The following RFTN2 variants were observed in gnomAD, a reference collection of about 807,000 sequenced individuals.
RFTN2 encodes the protein raftlin family member 2, also known as raftlin-2.
RFTN2 carries 34 observed loss-of-function variants against 52.7 expected under a neutral mutation model. The ratio of observed to expected loss-of-function variants is 0.64; its 90% CI spans 0.49 to 0.86. RFTN2 has a LOEUF of 0.86. Among genes scored for constraint, RFTN2 ranks in the 40% least tolerant of loss-of-function variants. The pLI is 0.00. For synonymous variants in RFTN2, 203 were observed against 217.7 expected (o/e 0.93, Z 0.59); for missense variants, 536 against 600.1 (o/e 0.89, Z 1.12).
chr2:197,581,268 T>G (rs545800429), intron 8 of RFTN2, among the ~76,000 whole-genome samples: 2 of 152,346 alleles, frequency 1.3e-5, no homozygotes, highest in East Asian at 3.9e-4. Context: ...CTTATTGTTT[T>G]GCCTATCCAT....
chr2:197,597,817 C>G (rs1333985644), intron 7 of RFTN2, among the ~76,000 whole-genome samples: 2 of 152,178 alleles, frequency 1.3e-5, no homozygotes, highest in Admixed American at 6.6e-5. Flanking sequence ...TGCGCCCAGC[C>G]TCTCTGATTT....
intron 1 of RFTN2, among the ~76,000 whole-genome samples, chr2:197,658,449 ATTG>A (rs929946560): frequency 2.2e-5 from 2 of 89,692 alleles, no homozygotes; most frequent in African/African-American, 4.6e-5. Flanking sequence ...ATTTTGTATT[ATTG>A]TTTTTTTTTT....
At chr2:197,619,914 A>G (rs1034829318) in intron 5 of RFTN2, among the ~76,000 whole-genome samples, 3 of 150,896 alleles carry the variant, frequency 2.0e-5, no homozygotes, top group Non-Finnish European at 3.0e-5. Context: ...CTATACATAT[A>G]AAAACTACAA....
chr2:197,597,143 C>A (rs1559343496), intron 7 of RFTN2, among the ~76,000 whole-genome samples: 1 of 152,158 alleles, frequency 6.6e-6, no homozygotes, highest in Non-Finnish European at 1.5e-5. Context: ...AAAATCCCAG[C>A]CTTACTGATA....
intron 8 of RFTN2, among the ~76,000 whole-genome samples, chr2:197,586,401 A>C (rs2106174649): frequency 6.6e-6 from 1 of 152,276 alleles, no homozygotes; most frequent in Non-Finnish European, 1.5e-5. Flanking sequence ...CACTTCTTTC[A>C]GCACTCCTTC....
In RFTN2 at chr2:197,675,322, T is replaced by C; in HGVS notation, c.137A>G (p.Gln46Arg). 1.9e-6 allele frequency: 3 copies of C among 1,594,508 alleles called. No homozygotes were observed. The highest frequency in any genetic ancestry group is 2.6e-6 in the Non-Finnish European group (3 of 1,171,144). Residue 46 changes from glutamine to arginine, a missense_variant and splice_region_variant, in exon 1 of 9, where the codon CAA (glutamine) becomes CGA (arginine). Coordinates refer to ENST00000295049, the MANE Select transcript of RFTN2 (RefSeq NM_144629.3). ...AACAAAATAGAAGCAAAAAGTACCT[T>C]GTAGAGTAAAATCCAGCAATACATA... Reference protein sequence around the residue: ...YEYVLLDFTLQASSNPEVIKI... With the variant: ...YEYVLLDFTLRASSNPEVIKI...
intron 3 of RFTN2, among the ~76,000 whole-genome samples, chr2:197,641,614 TA>T (rs2088676396): frequency 6.6e-6 from 1 of 152,238 alleles, no homozygotes; most frequent in African/African-American, 2.4e-5. Flanking sequence ...GGAGGATTGA[TA>T]TTTTTAAAAT....
At chr2:197,662,596 G>A (rs536757495) in intron 1 of RFTN2, among the ~76,000 whole-genome samples, 1 of 151,540 alleles carries the variant, frequency 6.6e-6, no homozygotes, top group East Asian at 1.9e-4. Flanking sequence ...ACTCTTTTGT[G>A]GTTCCATAAA....
At chr2:197,627,657 C>T (rs2088387777) in intron 5 of RFTN2, among the ~76,000 whole-genome samples, 1 of 152,012 alleles carries the variant, frequency 6.6e-6, no homozygotes, top group Admixed American at 6.6e-5. Context: ...GATGTGGTAT[C>T]CTAAGGTGGG....
rs545199477 is a variant in RFTN2, at chr2:197,611,098, G to A, written c.1154+4778C>T. Among the ~76,000 whole-genome samples, 407 of 152,324 alleles carry A rather than the reference G, an allele frequency of 2.7e-3. 1 individual carries two copies. The highest frequency in any genetic ancestry group is 4.9e-3 in the Non-Finnish European group (336 of 68,028). The stretch of plus-strand genomic sequence containing the variant: ...TCTTTTTTTGTTGTGTCTCTGCCAG[G>A]TTTTGGTATCAGGATGATGCTGGCC... On this transcript the variant is annotated intron_variant, in intron 7 of 8. Transcript: ENST00000295049.
chr2:197,663,767 T>A (rs989637006), intron 1 of RFTN2, among the ~76,000 whole-genome samples: 2 of 152,150 alleles, frequency 1.3e-5, no homozygotes, highest in African/African-American at 2.4e-5. Context: ...CTGCTTTTTT[T>A]ATTGATCCTT....
chr2:197,658,453 T>G (rs1379033130), intron 1 of RFTN2, among the ~76,000 whole-genome samples: 1 of 14,652 alleles, frequency 6.8e-5, no homozygotes, highest in Non-Finnish European at 1.5e-4. Flanking sequence ...TGTATTATTG[T>G]TTTTTTTTTT....
At chr2:197,657,655 G>T (rs551424523) in intron 1 of RFTN2, among the ~76,000 whole-genome samples, 1 of 147,102 alleles carries the variant, frequency 6.8e-6, no homozygotes, top group Non-Finnish European at 1.5e-5. Flanking sequence ...CATTTGTAGG[G>T]ATGGGAGAGT....
chr2:197,653,486 C>T (rs1396980995), intron 1 of RFTN2, among the ~76,000 whole-genome samples: 15 of 151,618 alleles, frequency 9.9e-5, no homozygotes. Context: ...CTCCCCCAAA[C>T]TGCATGTGGC....
chr2:197,668,605 T>G (rs896134222), intron 1 of RFTN2, among the ~76,000 whole-genome samples: 17 of 152,136 alleles, frequency 1.1e-4, no homozygotes, highest in African/African-American at 4.1e-4. Flanking sequence ...ACCTCAGGCC[T>G]GGCTGCAGTA....
chr2:197,570,086 T>C lies in RFTN2; in HGVS notation c.*1922A>G, dbSNP rs1446179508. Reference sequence around the variant, plus strand: ...TCTCTACCTCTTGTAGACCCTGGAATTGGGAAAAACAGATCTTTCTGATTT... The same window carrying C: ...TCTCTACCTCTTGTAGACCCTGGAACTGGGAAAAACAGATCTTTCTGATTT... On this transcript the variant is annotated 3_prime_UTR_variant, in exon 9 of 9. Coordinates refer to ENST00000295049, the MANE Select transcript of RFTN2 (RefSeq NM_144629.3). The C allele has an allele frequency of 1.3e-5, 2 of 152,138 alleles. No individual in the cohort carries two copies. Among genetic ancestry groups the C allele is most frequent in the Middle Eastern group, 3.2e-3 (1 of 316 alleles). 9.4% of individuals were successfully genotyped at this position (152,138 alleles called of 1,614,324 possible).
chr2:197,644,252 G>A lies in RFTN2; in HGVS notation c.344C>T (p.Pro115Leu). Residue 115 changes from proline (P) to leucine (L), a missense_variant, in exon 3 of 9, where the codon CCC (proline) becomes CTC (leucine). By Grantham distance (98) the Pro-to-Leu change is moderately conservative (BLOSUM62 -3). Coordinates refer to ENST00000295049, the MANE Select transcript of RFTN2 (RefSeq NM_144629.3). ...LKLSPKNSAA[P>L]SGQRRPRLVI... ...GAGCCTTGGGCGTCTTTGTCCACTGGGTGCTGCCGAATTCTTTGGGCTGTA... is the reference window on the plus strand; with the variant it reads ...GAGCCTTGGGCGTCTTTGTCCACTGAGTGCTGCCGAATTCTTTGGGCTGTA... 6.2e-7 allele frequency: 1 copy of A among 1,608,278 alleles called. No individual in the cohort carries two copies. Among genetic ancestry groups the A allele is most frequent in the Admixed American group, 1.7e-5 (1 of 59,972 alleles).
At chr2:197,615,808 G>A (rs2106210266) in intron 7 of RFTN2, 68 bp downstream of exon 7, 1 of 806,850 alleles carries the variant, frequency 1.2e-6, no homozygotes, top group East Asian at 2.7e-5. Flanking sequence ...TTGTTGAATT[G>A]AACTATCTAA....
At chr2:197,608,998 G>A (rs1574703557) in intron 7 of RFTN2, among the ~76,000 whole-genome samples, 1 of 152,144 alleles carries the variant, frequency 6.6e-6, no homozygotes, top group East Asian at 1.9e-4. Context: ...ATTGCATGGT[G>A]TTTATGTGTC....
Sources: allele counts gnomAD v4.1 joint callset (sites outside exome capture counted in the v4.1 genomes callset), GRCh38; gene constraint gnomAD v4.1.1; transcripts MANE v1.5; gene names NCBI Gene and HGNC (gene_info 2026-07-23, HGNC 2026-07-21).